FMNL3: variants seen among roughly 807,000 people sequenced by gnomAD.
The protein encoded by FMNL3 is formin like 3, also known as formin-like protein 3.
FMNL3 carries 57 observed loss-of-function variants against 119.6 expected under a neutral mutation model. The observed-to-expected ratio is 0.48, with a 90% CI of 0.39 to 0.59. The LOEUF (loss-of-function observed/expected upper bound fraction) is 0.59, where lower values mean the gene tolerates loss of function less well. FMNL3 is among the 20% of genes least tolerant of loss of function. The pLI, the probability that FMNL3 is intolerant of heterozygous loss-of-function variation, is 0.00. For synonymous variants in FMNL3, 491 were observed against 507.3 expected (o/e 0.97, Z 0.43); for missense variants, 1,053 against 1,323.5 (o/e 0.80, Z 3.17).
At chr12:49,650,020 G>T in intron 17 of FMNL3, 95 bp from the exon 18 acceptor site, 2 of 1,121,054 alleles carry the variant, frequency 1.8e-6, no homozygotes, top group South Asian at 2.9e-5. Flanking sequence ...ACTGGACAGG[G>T]GACTGTACAC....
chr12:49,637,516 C>G lies in FMNL3; in HGVS notation c.*8299G>C. ...GAGACAGGGCAGCTGCACTCTATGT[C>G]CACCTGGATGGAGCTATATCCAGCA... is the stretch of plus-strand genomic sequence containing the variant. On this transcript the variant is annotated 3_prime_UTR_variant, in exon 26 of 26. Coordinates refer to ENST00000335154, the MANE Select transcript of FMNL3 (RefSeq NM_175736.5). 1.2e-6 allele frequency: 2 copies of G among 1,613,880 alleles called. No homozygotes were observed. The highest frequency in any genetic ancestry group is 1.7e-6 in the Non-Finnish European group (2 of 1,180,018).
chr12:49,673,920 T>C (rs1197143248), intron 1 of FMNL3, among the ~76,000 whole-genome samples: 2 of 151,786 alleles, frequency 1.3e-5, no homozygotes, highest in African/African-American at 4.8e-5. Flanking sequence ...AATCAGAGAG[T>C]TTGATCAAAG....
intron 1 of FMNL3, among the ~76,000 whole-genome samples, chr12:49,693,524 C>T (rs1025932796): frequency 5.3e-5 from 8 of 151,096 alleles, no homozygotes; most frequent in South Asian, 2.1e-4. Context: ...ACTATAAGCA[C>T]GCACCACTAC....
rs1012743291 is a variant in FMNL3, at chr12:49,647,614, C to G, written c.2778+89G>C. 6 of 1,209,034 alleles carry G rather than the reference C, an allele frequency of 5.0e-6. No homozygotes were observed. The African/African-American group carries it at 9.0e-5, about 18-fold the overall frequency. The allele number at this position is 1,209,034 out of a possible 1,614,324, so 74.9% of individuals were successfully genotyped here. A position where few individuals can be genotyped will look rare whatever the true frequency, so the allele number is the denominator to read the frequency against. On this transcript the variant is annotated intron_variant, in intron 23 of 25. Coordinates refer to ENST00000335154, the MANE Select transcript of FMNL3 (RefSeq NM_175736.5). This position sits in a 1 kb window ranked among gnomAD's most constrained non-coding sequence, Gnocchi z 4.9. ...CCTTCCCAGGACTCGGAGGAGGAGT[C>G]GGAAAAGGCCCATACTTTAAGCCCA...
rs146384534 is a variant in FMNL3, at chr12:49,693,243, A to G, written c.126+13812T>C. On this transcript the variant is annotated intron_variant, in intron 1 of 25. Coordinates refer to ENST00000335154, the MANE Select transcript of FMNL3 (RefSeq NM_175736.5). ...GATAGGGATAAGAGAGGAAAATGGA[A>G]AGCCAGATGGTTGGCTGCAATACAA... Among the ~76,000 whole-genome samples the G allele has an allele frequency of 8.0e-3, 1,222 of 152,278 alleles. 10 individuals carry two copies. Among genetic ancestry groups the G allele is most frequent in the Non-Finnish European group, 0.014 (935 of 68,026 alleles).
At chr12:49,699,149 GA>G (rs954056525) in intron 1 of FMNL3, among the ~76,000 whole-genome samples, 22 of 152,322 alleles carry the variant, frequency 1.4e-4, no homozygotes, top group African/African-American at 5.3e-4. Flanking sequence ...AGACGTGGGA[GA>G]AATGTTTCCC....
chr12:49,647,410 A>G lies in FMNL3; in HGVS notation c.2779-42T>C, dbSNP rs527809921. The G allele has an allele frequency of 1.3e-6, 2 of 1,581,620 alleles. No individual in the cohort carries two copies. Among genetic ancestry groups the G allele is most frequent in the African/African-American group, 2.7e-5 (2 of 74,468 alleles). ...ATGGGGGGTGGGGAGTGAGGCTCATAGGCTGTGAGGGGAGGGGCTGACACT... is the reference window on the plus strand; with the variant it reads ...ATGGGGGGTGGGGAGTGAGGCTCATGGGCTGTGAGGGGAGGGGCTGACACT... On this transcript the variant is annotated intron_variant, in intron 23 of 25. Coordinates refer to ENST00000335154, the MANE Select transcript of FMNL3 (RefSeq NM_175736.5). The surrounding 1 kb of genome is among the most constrained non-coding windows in gnomAD (Gnocchi z 4.9).
intron 1 of FMNL3, among the ~76,000 whole-genome samples, chr12:49,682,672 T>C (rs544268866): frequency 6.6e-6 from 1 of 152,230 alleles, no homozygotes; most frequent in East Asian, 1.9e-4. Flanking sequence ...TTAAAATATA[T>C]AAAAGAGTAT....
intron 2 of FMNL3, among the ~76,000 whole-genome samples, chr12:49,667,489 A>G (rs1301766317): frequency 6.6e-6 from 1 of 152,214 alleles, no homozygotes; most frequent in African/African-American, 2.4e-5. Context: ...TACGTCAAGC[A>G]GCATGACCTG....
chr12:49,682,261 G>A (rs1291007110), intron 1 of FMNL3, among the ~76,000 whole-genome samples: 3 of 151,806 alleles, frequency 2.0e-5, no homozygotes, highest in Non-Finnish European at 2.9e-5. Context: ...TAGTAGAGAC[G>A]GGGTTTCACT....
chr12:49,681,172 C>T (rs1026298501), intron 1 of FMNL3, among the ~76,000 whole-genome samples: 4 of 152,346 alleles, frequency 2.6e-5, no homozygotes, highest in African/African-American at 9.6e-5. Context: ...TTGGACACAA[C>T]CTAGTGACAA....
rs368068346 is a variant in FMNL3, at chr12:49,678,989, G to T, written c.127-10435C>A. On this transcript the variant is annotated intron_variant, in intron 1 of 25. Transcript: ENST00000335154. ...GGTGATAAAGGATATGATGAGCTAA[G>T]TAAGTAGGTGGCATAAGTAGGATAA... 6.6e-5 allele frequency among the ~76,000 whole-genome samples: 10 copies of T among 152,298 alleles called. 1 individual carries two copies. The East Asian group carries it at 1.7e-3, about 26-fold the overall frequency.
intron 1 of FMNL3, among the ~76,000 whole-genome samples, chr12:49,704,322 A>G (rs1246985474): frequency 6.6e-6 from 1 of 152,188 alleles, no homozygotes; most frequent in African/African-American, 2.4e-5. Flanking sequence ...TAGCTTTTTC[A>G]AAAAACCTAA....
intron 1 of FMNL3, among the ~76,000 whole-genome samples, chr12:49,697,277 T>C (rs1220030709): frequency 6.6e-6 from 1 of 152,104 alleles, no homozygotes. Context: ...GCAGAGGTAA[T>C]AAAAAGAGGT....
At chr12:49,653,653 G>C in intron 12 of FMNL3, 72 bp downstream of exon 12, 1 of 1,589,742 alleles carries the variant, frequency 6.3e-7, no homozygotes, top group South Asian at 1.2e-5. Context: ...AGGCAAATGG[G>C]TCAGCTCAGG....
rs7978381 is a variant in FMNL3 at position 49,652,204 on chromosome 12, A to G, written c.1332T>C (p.Tyr444=). 3.0e-3 allele frequency: 4,903 copies of G among 1,612,394 alleles called. 121 individuals are homozygous for G. The African/African-American group carries it at 0.051, about 17-fold the overall frequency. Residue 444 remains tyrosine, a synonymous_variant, in exon 14 of 26, where the codon TAT becomes TAC. Transcript: ENST00000335154. ...EKELESIKET[Y]ENTSHQVHTL... ...TGTGCACCTGGTGGCTTGTGTTCTC[A>G]TATGTCTCCTGGCAGGCAGACAGCA... is the stretch of plus-strand genomic sequence containing the variant.
intron 5 of FMNL3, among the ~76,000 whole-genome samples, chr12:49,659,270 C>T (rs558808369): frequency 1.3e-5 from 2 of 152,250 alleles, no homozygotes; most frequent in Admixed American, 6.5e-5. Flanking sequence ...ATACAGGCTC[C>T]CTGGGCTTCA....
chr12:49,702,422 T>C (rs1020143497), intron 1 of FMNL3, among the ~76,000 whole-genome samples: 2 of 152,212 alleles, frequency 1.3e-5, no homozygotes, highest in Admixed American at 1.3e-4. Flanking sequence ...AAGAAAATAT[T>C]TGCATTTGGT....
chr12:49,656,733 A>T lies in FMNL3; in HGVS notation c.791+90T>A, dbSNP rs1360837545. 1.1e-5 allele frequency: 14 copies of T among 1,307,434 alleles called. No homozygotes were observed. The East Asian group carries it at 1.6e-4, about 15-fold the overall frequency. The allele number at this position is 1,307,434 out of a possible 1,614,324, so 81.0% of individuals were successfully genotyped here. On this transcript the variant is annotated intron_variant, in intron 8 of 25. Coordinates refer to ENST00000335154, the MANE Select transcript of FMNL3 (RefSeq NM_175736.5). ...AACCAAGGCTCTTGACAGGACTCCA[A>T]GGCCAGGCAGAACTTGTCAGGAATA...
Sources: allele counts gnomAD v4.1 joint callset (sites outside exome capture counted in the v4.1 genomes callset), GRCh38; gene constraint gnomAD v4.1.1; non-coding constraint Gnocchi (gnomAD v3.1); transcripts MANE v1.5; gene names NCBI Gene and HGNC (gene_info 2026-07-23, HGNC 2026-07-21).